The following SMAD1 variants were observed in gnomAD, a reference collection of about 807,000 sequenced individuals.
The protein encoded by SMAD1 is SMAD family member 1.
A neutral mutation model predicts 41.6 loss-of-function variants in SMAD1; 6 were observed. That is an observed-to-expected ratio of 0.14 (90% confidence interval 0.08 to 0.28). The LOEUF is 0.28. Ranked by LOEUF, SMAD1 falls within the 10% of genes least tolerant of loss-of-function variation. The pLI is 1.00. For synonymous variants in SMAD1, 206 were observed against 203.2 expected, an observed-to-expected ratio of 1.01 and a Z score of -0.12; for missense variants, 379 against 582.6, an observed-to-expected ratio of 0.65 and a Z score of 3.60.
At chr4:145,556,198 A>C (rs569103924) in intron 6 of SMAD1, among the ~76,000 whole-genome samples, 3 of 152,338 alleles carry the variant, frequency 2.0e-5, no homozygotes, top group African/African-American at 7.2e-5. Flanking sequence ...GAAAATTCCA[A>C]GTCAGCTCAG....
At chr4:145,496,564 A>AT (rs1224534151) in intron 1 of SMAD1, among the ~76,000 whole-genome samples, 1 of 152,140 alleles carries the variant, frequency 6.6e-6, no homozygotes, top group African/African-American at 2.4e-5. Context: ...TTATACTCAG[A>AT]TTTTTTTCTC....
intron 1 of SMAD1, among the ~76,000 whole-genome samples, chr4:145,485,866 CTTCCAT>C (rs1185552223): frequency 6.6e-6 from 1 of 152,138 alleles, no homozygotes; most frequent in Non-Finnish European, 1.5e-5. Context: ...AGCCTCAAAA[CTTCCAT>C]AAGTACTATT....
intron 6 of SMAD1, 119 bp from the exon 7 acceptor site, chr4:145,557,672 G>A: frequency 2.9e-6 from 2 of 697,790 alleles, no homozygotes; most frequent in Non-Finnish European, 4.5e-6. Context: ...GGGCGGGGGG[G>A]TCAGGGAGGA....
chr4:145,556,517 T>A (rs1732847251), intron 6 of SMAD1, among the ~76,000 whole-genome samples: 1 of 152,094 alleles, frequency 6.6e-6, no homozygotes, highest in Admixed American at 6.5e-5. Flanking sequence ...AGTGCAATGG[T>A]GTGATCTCGG....
intron 1 of SMAD1, among the ~76,000 whole-genome samples, chr4:145,492,574 C>T (rs1260911063): frequency 6.6e-6 from 1 of 152,168 alleles, no homozygotes; most frequent in East Asian, 1.9e-4. Flanking sequence ...TGAACCTTGT[C>T]CTCTTGGTTT....
chr4:145,500,600 A>G (rs1440427593), intron 1 of SMAD1, among the ~76,000 whole-genome samples: 4 of 152,184 alleles, frequency 2.6e-5, no homozygotes, highest in Non-Finnish European at 5.9e-5. Context: ...CAAGGCACAG[A>G]AACAGACTTT....
intron 2 of SMAD1, among the ~76,000 whole-genome samples, chr4:145,523,731 C>T (rs1339327915): frequency 6.6e-6 from 1 of 152,042 alleles, no homozygotes; most frequent in Non-Finnish European, 1.5e-5. Flanking sequence ...TCAGCTTTTG[C>T]GCTTGAAGGT....
At chr4:145,538,858 A>G (rs990333076) in intron 2 of SMAD1, among the ~76,000 whole-genome samples, 2 of 152,148 alleles carry the variant, frequency 1.3e-5, no homozygotes, top group African/African-American at 4.8e-5. Context: ...TAACCCTAGG[A>G]TCTGGCTAGG....
intron 6 of SMAD1, 51 bp downstream of exon 6, chr4:145,554,091 CTTTT>C (rs10715854): frequency 2.5e-3 from 2,774 of 1,132,196 alleles, no homozygotes; most frequent in South Asian, 3.7e-3. Flanking sequence ...TTTTGCTGTG[CTTTT>C]TTTTTTTTTT....
intron 2 of SMAD1, among the ~76,000 whole-genome samples, chr4:145,530,474 A>G (rs1731261706): frequency 6.6e-6 from 1 of 152,208 alleles, no homozygotes; most frequent in African/African-American, 2.4e-5. Context: ...GTGGTATACA[A>G]AAAGAATCAT....
intron 1 of SMAD1, among the ~76,000 whole-genome samples, chr4:145,487,604 C>A (rs773399612): frequency 1.3e-5 from 2 of 152,042 alleles, no homozygotes; most frequent in African/African-American, 2.4e-5. Flanking sequence ...GCAAAAATAC[C>A]TGAAGTATTT....
At chr4:145,557,374 GA>G (rs1049338520) in intron 6 of SMAD1, among the ~76,000 whole-genome samples, 14 of 152,194 alleles carry the variant, frequency 9.2e-5, no homozygotes, top group African/African-American at 3.1e-4. Flanking sequence ...GCTGAATAGG[GA>G]AGAAATTGAA....
At chr4:145,492,149 A>G (rs924532133) in intron 1 of SMAD1, among the ~76,000 whole-genome samples, 44 of 152,172 alleles carry the variant, frequency 2.9e-4, no homozygotes, top group African/African-American at 1.0e-3. Flanking sequence ...AGTCAACACA[A>G]AATACTTTTG....
intron 1 of SMAD1, among the ~76,000 whole-genome samples, chr4:145,488,341 C>A (rs1373537720): frequency 1.3e-5 from 2 of 151,952 alleles, no homozygotes; most frequent in Admixed American, 1.3e-4. Flanking sequence ...TATTTTTATA[C>A]ATAAGTTTTA....
chr4:145,482,871 T>C lies in SMAD1; in HGVS notation c.-177+833T>C, dbSNP rs941887411. 1.3e-4 allele frequency: 20 copies of C among 152,398 alleles called. No homozygotes were observed. The highest frequency in any genetic ancestry group is 4.8e-4 in the African/African-American group (20 of 41,548). The allele number at this position is 152,398 out of a possible 1,614,324, so 9.4% of individuals were successfully genotyped here. A position where few individuals can be genotyped will look rare whatever the true frequency, so the allele number is the denominator to read the frequency against. ...CCTTTACTCTGCTCCCTGTCTTTGT[T>C]AGTGTTTCTCGGGGTTGTTTCTGTA... On this transcript the variant is annotated intron_variant, in intron 1 of 6. Coordinates refer to ENST00000302085, the MANE Select transcript of SMAD1 (RefSeq NM_005900.3). The surrounding 1 kb of genome is among the most constrained non-coding windows in gnomAD (Gnocchi z 4.2).
upstream of SMAD1, chr4:145,481,551 G>A (rs919469664): frequency 6.6e-6 from 1 of 152,218 alleles, no homozygotes; most frequent in South Asian, 2.1e-4. Flanking sequence ...AAAAAGGCAG[G>A]GTTAGGAAAG....
At chr4:145,508,269 G>A (rs917743867) in intron 1 of SMAD1, among the ~76,000 whole-genome samples, 3 of 151,786 alleles carry the variant, frequency 2.0e-5, no homozygotes, top group Admixed American at 6.6e-5. Flanking sequence ...CATCTCCAGC[G>A]GATTAAACCC....
chr4:145,539,413 T>C (rs1041827907), intron 2 of SMAD1, among the ~76,000 whole-genome samples: 2 of 152,236 alleles, frequency 1.3e-5, no homozygotes, highest in Non-Finnish European at 2.9e-5. Context: ...CTCTTAAATG[T>C]GAAGTCTTAT....
At position 145,518,354 on chromosome 4, in the gene SMAD1, T is replaced by TG. The variant is rs202114700; in HGVS notation, c.400+3347dup. On this transcript the variant is annotated intron_variant, in intron 2 of 6. Coordinates refer to ENST00000302085, the MANE Select transcript of SMAD1 (RefSeq NM_005900.3). The stretch of plus-strand genomic sequence containing the variant: ...AAATACAAAAATAAGCCTGGCGAGG[T>TG]GGGGGGCGCCTGTAATCCCAGCTAC... Among the ~76,000 whole-genome samples, 67 of 122,624 alleles carry TG rather than the reference T, an allele frequency of 5.5e-4. 13 individuals are homozygous for TG. Among genetic ancestry groups the TG allele is most frequent in the Admixed American group, 1.5e-3 (20 of 13,030 alleles). The allele number at this position is 122,624 out of a possible 152,430, so 80.4% of individuals were successfully genotyped here.
Sources: gnomAD v4.1 joint callset for allele counts (sites outside exome capture counted in the v4.1 genomes callset) on GRCh38, gnomAD v4.1.1 for gene constraint, Gnocchi (gnomAD v3.1) non-coding constraint, MANE v1.5 for transcripts, NCBI Gene and HGNC (gene_info 2026-07-23, HGNC 2026-07-21) for gene names.